The following IGFL2 variants were observed in gnomAD, a reference collection of about 807,000 sequenced individuals.
IGFL2 encodes IGF like family member 2.
In IGFL2, 7 loss-of-function variants were observed where a neutral mutation model predicts 13.9. The observed-to-expected ratio is 0.51, with a 90% CI of 0.29 to 0.95. The LOEUF (loss-of-function observed/expected upper bound fraction) is 0.95. Among genes scored for constraint, IGFL2 ranks in the 40% least tolerant of loss-of-function variants. The pLI, the probability that IGFL2 is intolerant of heterozygous loss-of-function variation, is 0.08. For missense variants in IGFL2, 138 were observed against 147.8 expected (o/e 0.93, Z 0.34); for synonymous variants, 55 against 55.8 (o/e 0.99, Z 0.07).
upstream of IGFL2, chr19:46,147,698 G>GTGCC (rs1973213812): frequency 6.6e-6 from 1 of 152,296 alleles, no homozygotes; most frequent in African/African-American, 2.4e-5. Flanking sequence ...CGTACTGGGT[G>GTGCC]TGCCTGCCTA....
intron 1 of IGFL2, among the ~76,000 whole-genome samples, chr19:46,154,701 A>G (rs368234540): frequency 9.2e-5 from 14 of 151,966 alleles, no homozygotes; most frequent in African/African-American, 3.1e-4. Context: ...TGCCCGCCTC[A>G]GCCTCCCAAA....
chr19:46,120,489 C>A, the IGFL2 span: 2 of 1,282,254 alleles, frequency 1.6e-6, no homozygotes, highest in Non-Finnish European at 2.1e-6. Flanking sequence ...TAGATATCAA[C>A]AGAAGGACAC....
the IGFL2 span, among the ~76,000 whole-genome samples, chr19:46,125,125 T>C: frequency 6.6e-6 from 1 of 152,184 alleles, no homozygotes; most frequent in Non-Finnish European, 1.5e-5. Context: ...TCTCTGGAAA[T>C]GTCAAGGGGA....
chr19:46,090,105 C>G, the IGFL2 span, among the ~76,000 whole-genome samples: 8 of 151,944 alleles, frequency 5.3e-5, no homozygotes, highest in African/African-American at 1.9e-4. Flanking sequence ...TTCACAGATT[C>G]TTTTTTCTAC....
At chr19:46,185,227 C>G in the IGFL2 span, among the ~76,000 whole-genome samples, 2 of 152,076 alleles carry the variant, frequency 1.3e-5, no homozygotes, top group Non-Finnish European at 2.9e-5. Context: ...ATAGTTTCTT[C>G]CTTTTTTCTA....
chr19:46,081,656 T>G, the IGFL2 span, among the ~76,000 whole-genome samples: 1 of 152,176 alleles, frequency 6.6e-6, no homozygotes, highest in Non-Finnish European at 1.5e-5. Flanking sequence ...TGGGGAAGAC[T>G]CCACAAGGAC....
At chr19:46,116,171 G>A in the IGFL2 span, among the ~76,000 whole-genome samples, 1 of 152,050 alleles carries the variant, frequency 6.6e-6, no homozygotes, top group African/African-American at 2.4e-5. Context: ...ATGTTGGTGT[G>A]CTGCACCCAT....
the IGFL2 span, among the ~76,000 whole-genome samples, chr19:46,171,997 A>G: frequency 6.6e-6 from 1 of 152,226 alleles, no homozygotes; most frequent in Non-Finnish European, 1.5e-5. Flanking sequence ...TGTGTGATGA[A>G]GATTAATGAT....
chr19:46,089,407 ACT>A, the IGFL2 span, among the ~76,000 whole-genome samples: 1 of 152,202 alleles, frequency 6.6e-6, no homozygotes, highest in African/African-American at 2.4e-5. Flanking sequence ...TTTATACACC[ACT>A]GTTACAGTAT....
chr19:46,150,749 C>T (rs1037540508), intron 1 of IGFL2, among the ~76,000 whole-genome samples: 1 of 152,112 alleles, frequency 6.6e-6, no homozygotes, highest in African/African-American at 2.4e-5. Flanking sequence ...CAGCTCACTG[C>T]ACCCTCTACC....
chr19:46,099,066 C>T, the IGFL2 span, among the ~76,000 whole-genome samples: 1 of 152,190 alleles, frequency 6.6e-6, no homozygotes, highest in Non-Finnish European at 1.5e-5. Flanking sequence ...GATTTTATTT[C>T]TCCTTTGCTT....
the IGFL2 span, among the ~76,000 whole-genome samples, chr19:46,174,440 TAGAG>T: frequency 5.3e-5 from 8 of 152,164 alleles, no homozygotes; most frequent in Non-Finnish European, 8.8e-5. Flanking sequence ...AAAAACTACA[TAGAG>T]GGAGGAGGAA....
the IGFL2 span, among the ~76,000 whole-genome samples, chr19:46,117,540 A>G: frequency 1.3e-5 from 2 of 152,084 alleles, no homozygotes; most frequent in African/African-American, 4.8e-5. Context: ...GTGCAGTGGT[A>G]TAATCATAGC....
In IGFL2 at chr19:46,161,274, T is replaced by G; in HGVS notation, c.*186T>G. ...GTAGATTATCAGGAAATAAATAAAG[T>G]GGTTTTTCCAATGTACACACCTGTA... On this transcript the variant is annotated 3_prime_UTR_variant, in exon 4 of 4. Transcript: ENST00000377693. 1 of 580,576 alleles carries G rather than the reference T, an allele frequency of 1.7e-6. No homozygotes were observed. The highest frequency in any genetic ancestry group is 2.8e-4 in the Middle Eastern group (1 of 3,576). 36.0% of individuals were successfully genotyped at this position (580,576 alleles called of 1,614,324 possible).
chr19:46,180,259 A>C, the IGFL2 span, among the ~76,000 whole-genome samples: 1 of 150,256 alleles, frequency 6.7e-6, no homozygotes, highest in African/African-American at 2.5e-5. Flanking sequence ...GCTCACTGCA[A>C]CCTCCACCTC....
chr19:46,111,127 G>A, the IGFL2 span: 5,629 of 152,608 alleles, frequency 0.037, 164 homozygotes, highest in East Asian at 0.072. Flanking sequence ...CGTTTGTTTT[G>A]TTATAGCCAG....
upstream of IGFL2, among the ~76,000 whole-genome samples, chr19:46,145,492 G>C (rs1027457839): frequency 6.6e-6 from 1 of 151,712 alleles, no homozygotes; most frequent in Non-Finnish European, 1.5e-5. Flanking sequence ...CCAGATTAAA[G>C]CCCTCCTTCC....
At chr19:46,152,338 G>A (rs1973547316) in intron 1 of IGFL2, among the ~76,000 whole-genome samples, 1 of 150,494 alleles carries the variant, frequency 6.6e-6, no homozygotes, top group Non-Finnish European at 1.5e-5. Flanking sequence ...GTGCAGTGGT[G>A]TGATCATAGC....
At chr19:46,113,968 A>G in the IGFL2 span, 1 of 152,374 alleles carries the variant, frequency 6.6e-6, no homozygotes, top group African/African-American at 2.4e-5. Flanking sequence ...TAAAAACAGA[A>G]CTCTGACCCA....
Sources: gnomAD v4.1 joint callset for allele counts (sites outside exome capture counted in the v4.1 genomes callset) on GRCh38, gnomAD v4.1.1 for gene constraint, MANE v1.5 for transcripts, NCBI Gene and HGNC (gene_info 2026-07-23, HGNC 2026-07-21) for gene names.